RBPJ: variants seen among roughly 807,000 people sequenced by gnomAD.
RBPJ encodes the protein recombination signal binding protein for immunoglobulin kappa J region.
RBPJ carries 9 observed loss-of-function variants against 67.8 expected under a neutral mutation model. That is an observed-to-expected ratio of 0.13 (90% CI 0.08 to 0.23). RBPJ has a LOEUF of 0.23. RBPJ is among the 10% of genes least tolerant of loss of function. RBPJ has a pLI of 1.00. For missense variants in RBPJ, 305 were observed against 595.6 expected (o/e 0.51, Z 5.08); for synonymous variants, 198 against 203.3 (o/e 0.97, Z 0.22).
rs1064380 is a variant in RBPJ, at chr4:26,430,716, C to T, written c.1173C>T (p.Val391=). 3.1e-6 allele frequency: 5 copies of T among 1,613,896 alleles called. No individual in the cohort carries two copies. Among genetic ancestry groups the T allele is most frequent in the South Asian group, 1.1e-5 (1 of 91,064 alleles). ...MYRCGESMLC[V]VPDISAFREG... ...GGTGTGGAGAGAGTATGCTCTGTGT[C>T]GTCCCAGACATTTCTGCATTCCGAG... is the stretch of plus-strand genomic sequence containing the variant. Residue 391 remains valine (V), a synonymous_variant, in exon 11 of 11, where the codon GTC becomes GTT. Transcript: ENST00000355476. This position sits in a 1 kb window ranked among gnomAD's most constrained non-coding sequence, Gnocchi z 4.1.
the RBPJ span, among the ~76,000 whole-genome samples, chr4:26,153,029 T>C: frequency 6.6e-6 from 1 of 152,230 alleles, no homozygotes; most frequent in African/African-American, 2.4e-5. Context: ...CACCCAAGTC[T>C]AAACAGGAAA....
intron 1 of RBPJ, among the ~76,000 whole-genome samples, chr4:26,181,621 A>G (rs1015477416): frequency 1.3e-5 from 2 of 152,158 alleles, no homozygotes; most frequent in Non-Finnish European, 2.9e-5. Flanking sequence ...AGATGGTACA[A>G]CCTACCACCC....
At chr4:26,374,769 CT>C (rs1012134354) in intron 1 of RBPJ, among the ~76,000 whole-genome samples, 3 of 152,176 alleles carry the variant, frequency 2.0e-5, no homozygotes, top group Non-Finnish European at 4.4e-5. Context: ...TGCCCGGCCC[CT>C]GGCACTCTTT....
chr4:26,313,298 G>A (rs763353138), intron 1 of RBPJ, among the ~76,000 whole-genome samples: 6 of 152,110 alleles, frequency 3.9e-5, no homozygotes, highest in Non-Finnish European at 7.4e-5. Flanking sequence ...TTGGGAGGCC[G>A]AGGTGGGCGG....
intron 1 of RBPJ, among the ~76,000 whole-genome samples, chr4:26,278,447 G>A (rs1362667249): frequency 6.6e-6 from 1 of 152,100 alleles, no homozygotes; most frequent in Non-Finnish European, 1.5e-5. Flanking sequence ...GTAGTGTTTT[G>A]GGTCATTTAC....
chr4:26,213,262 C>G (rs1037918320), intron 1 of RBPJ, among the ~76,000 whole-genome samples: 1 of 152,106 alleles, frequency 6.6e-6, no homozygotes, highest in Admixed American at 6.6e-5. Context: ...GGGGAACAAC[C>G]AACTGGTGTC....
At chr4:26,223,641 A>C (rs1204061389) in intron 1 of RBPJ, among the ~76,000 whole-genome samples, 2 of 152,328 alleles carry the variant, frequency 1.3e-5, no homozygotes, top group Admixed American at 1.3e-4. Context: ...CTGGCTGACC[A>C]AGGGCTTTGT....
chr4:26,429,848 A>C, intron 8 of RBPJ, 50 bp from the exon 9 acceptor site: 1 of 1,515,420 alleles, frequency 6.6e-7, no homozygotes. Context: ...TTCTTATCCT[A>C]TTAATACAAA....
At chr4:26,303,559 GTTTAT>G (rs1482761935) in intron 1 of RBPJ, among the ~76,000 whole-genome samples, 1 of 151,914 alleles carries the variant, frequency 6.6e-6, no homozygotes, top group African/African-American at 2.4e-5. Context: ...TTTCTATAGA[GTTTAT>G]TTTATCATTT....
chr4:26,221,905 G>A (rs1718920961), intron 1 of RBPJ, among the ~76,000 whole-genome samples: 1 of 152,172 alleles, frequency 6.6e-6, no homozygotes, highest in African/African-American at 2.4e-5. Context: ...GCGGCCCAGC[G>A]CTGAACGAAT....
upstream of RBPJ, among the ~76,000 whole-genome samples, chr4:26,316,556 CAT>C (rs1722638057): frequency 1.4e-5 from 2 of 137,988 alleles, no homozygotes; most frequent in African/African-American, 2.7e-5. Context: ...TGTATATATT[CAT>C]ATATATACAC....
intron 1 of RBPJ, among the ~76,000 whole-genome samples, chr4:26,182,297 G>A (rs112496675): frequency 0.27 from 41,542 of 151,592 alleles, 7,304 homozygotes; most frequent in Non-Finnish European, 0.4. Context: ...AGCCGAGATC[G>A]CGCCACTGCA....
chr4:26,212,090 A>G (rs1256271958), intron 1 of RBPJ, among the ~76,000 whole-genome samples: 2 of 152,250 alleles, frequency 1.3e-5, no homozygotes, highest in Middle Eastern at 3.4e-3. Flanking sequence ...TCAGACTTCT[A>G]GTCACCCAGT....
intron 1 of RBPJ, among the ~76,000 whole-genome samples, chr4:26,385,092 C>G (rs896645969): frequency 9.5e-5 from 14 of 147,664 alleles, no homozygotes; most frequent in African/African-American, 3.5e-4. Flanking sequence ...GTGATCTTGG[C>G]TCACTGCAAC....
At chr4:26,121,025 G>T in the RBPJ span, among the ~76,000 whole-genome samples, 103 of 151,756 alleles carry the variant, frequency 6.8e-4, no homozygotes, top group African/African-American at 2.3e-3. Flanking sequence ...AGGGGTAGGG[G>T]GAGAAGCAGA....
At chr4:26,349,069 AG>A (rs1726495672) in intron 1 of RBPJ, among the ~76,000 whole-genome samples, 1 of 144,266 alleles carries the variant, frequency 6.9e-6, no homozygotes, top group South Asian at 2.2e-4. Context: ...TATCATCACA[AG>A]TTTGTGTGTG....
rs1340847842 is a variant in RBPJ, at chr4:26,172,292, A to C, written c.-167+8678A>C. 1.1e-4 allele frequency among the ~76,000 whole-genome samples: 17 copies of C among 152,298 alleles called. No individual in the cohort carries two copies. In the East Asian group the frequency reaches 3.3e-3, roughly 29 times the overall value. ...GCAGCTGCCGTGGGCTGTGTGAAAA[A>C]AATTAAAAAAGAAAGAAAGGGATAG... On this transcript the variant is annotated intron_variant, in intron 1 of 4. Transcript: ENST00000512351.
At chr4:26,188,211 A>G (rs1025935251) in intron 1 of RBPJ, among the ~76,000 whole-genome samples, 14 of 152,108 alleles carry the variant, frequency 9.2e-5, no homozygotes, top group Admixed American at 3.9e-4. Context: ...TCTGTCACAC[A>G]CACACACATA....
chr4:26,327,383 G>A (rs776911995), intron 1 of RBPJ, among the ~76,000 whole-genome samples: 7 of 151,866 alleles, frequency 4.6e-5, no homozygotes, highest in African/African-American at 9.7e-5. Flanking sequence ...TGAAGTTTAC[G>A]GCAATCTTGG....
Sources: gnomAD v4.1 joint callset for allele counts (sites outside exome capture counted in the v4.1 genomes callset) on GRCh38, gnomAD v4.1.1 for gene constraint, Gnocchi (gnomAD v3.1) non-coding constraint, MANE v1.5 for transcripts, NCBI Gene and HGNC (gene_info 2026-07-23, HGNC 2026-07-21) for gene names.